Variants in LRMDA observed in about 807,000 individuals in gnomAD.
The protein encoded by LRMDA is leucine rich melanocyte differentiation associated, also known as leucine-rich melanocyte differentiation-associated protein.
In LRMDA, 18 loss-of-function variants were observed where a neutral mutation model predicts 29.8. The ratio of observed to expected loss-of-function variants is 0.60; its 90% CI spans 0.42 to 0.90. LRMDA has a LOEUF of 0.90. LRMDA is among the 40% of genes least tolerant of loss of function. The probability of loss-of-function intolerance (pLI) is 0.00; values close to 1 mark genes in which losing one functional copy is unlikely to be tolerated. For missense variants in LRMDA, 273 were observed against 273.9 expected, an observed-to-expected ratio of 1.00 and a Z score of 0.02; for synonymous variants, 125 against 109.4, an observed-to-expected ratio of 1.14 and a Z score of -0.89.
At chr10:76,249,170 A>T (rs969530054) in intron 5 of LRMDA, among the ~76,000 whole-genome samples, 1 of 152,154 alleles carries the variant, frequency 6.6e-6, no homozygotes, top group African/African-American at 2.4e-5. Context: ...ACTTAAAAAA[A>T]CTCAGATATT....
chr10:75,699,317 C>A (rs11001475), intron 2 of LRMDA, among the ~76,000 whole-genome samples: 15 of 151,928 alleles, frequency 9.9e-5, no homozygotes, highest in Non-Finnish European at 1.9e-4. Flanking sequence ...TGCCTTCTGA[C>A]GGAAAATCCT....
intron 2 of LRMDA, among the ~76,000 whole-genome samples, chr10:75,936,165 G>C (rs1846288710): frequency 6.6e-6 from 1 of 152,086 alleles, no homozygotes; most frequent in Non-Finnish European, 1.5e-5. Context: ...ACTCTAATAA[G>C]AGAGGCACAA....
chr10:76,093,575 C>T (rs1353844011), intron 5 of LRMDA, among the ~76,000 whole-genome samples: 1 of 152,056 alleles, frequency 6.6e-6, no homozygotes, highest in Non-Finnish European at 1.5e-5. Flanking sequence ...TCCTTTCCTT[C>T]TCCTCCTCCT....
chr10:75,756,921 G>A (rs1843039190), intron 2 of LRMDA, among the ~76,000 whole-genome samples: 1 of 152,182 alleles, frequency 6.6e-6, no homozygotes. Context: ...TAGGGACTGA[G>A]GCCAGAGGGA....
chr10:76,367,958 A>G (rs1369076358), intron 6 of LRMDA, among the ~76,000 whole-genome samples: 4 of 151,118 alleles, frequency 2.6e-5, no homozygotes, highest in Non-Finnish European at 5.9e-5. Context: ...CTCCTTTTTC[A>G]TTTCTTAGTG....
chr10:75,925,804 C>G (rs1314854372), intron 2 of LRMDA, among the ~76,000 whole-genome samples: 1 of 151,992 alleles, frequency 6.6e-6, no homozygotes, highest in Non-Finnish European at 1.5e-5. Context: ...GGGTGCCTGC[C>G]AGCATGCTTG....
chr10:76,074,200 TCAAA>T (rs1848920630), intron 5 of LRMDA, among the ~76,000 whole-genome samples: 1 of 152,190 alleles, frequency 6.6e-6, no homozygotes, highest in African/African-American at 2.4e-5. Flanking sequence ...GGAAAGCAAA[TCAAA>T]CTAAATATGA....
chr10:75,573,900 G>A (rs1288199807), intron 2 of LRMDA, among the ~76,000 whole-genome samples: 1 of 151,882 alleles, frequency 6.6e-6, no homozygotes, highest in African/African-American at 2.4e-5. Context: ...CCAGTTTTAT[G>A]CAATTTTTCA....
At chr10:75,436,982 C>G (rs529329827) in intron 1 of LRMDA, among the ~76,000 whole-genome samples, 1 of 152,178 alleles carries the variant, frequency 6.6e-6, no homozygotes, top group Non-Finnish European at 1.5e-5. Flanking sequence ...ATTTTTTAGC[C>G]TATATCTTCT....
intron 5 of LRMDA, among the ~76,000 whole-genome samples, chr10:76,300,842 G>T (rs1840471854): frequency 6.6e-6 from 1 of 152,160 alleles, no homozygotes; most frequent in Admixed American, 6.5e-5. Flanking sequence ...CCAGGCACTT[G>T]GTTTCCCCAA....
intron 5 of LRMDA, among the ~76,000 whole-genome samples, chr10:76,239,064 T>C (rs1852218955): frequency 6.6e-6 from 1 of 152,216 alleles, no homozygotes; most frequent in Admixed American, 6.5e-5. Flanking sequence ...CAAATTTTCC[T>C]GCCTCATGCC....
intron 6 of LRMDA, among the ~76,000 whole-genome samples, chr10:76,455,935 G>GT (rs1842452648): frequency 6.6e-6 from 1 of 152,168 alleles, no homozygotes; most frequent in African/African-American, 2.4e-5. Flanking sequence ...ACATCAACTT[G>GT]TATAGGCCCA....
chr10:76,334,301 TC>T (rs1356739876), intron 6 of LRMDA, among the ~76,000 whole-genome samples: 2 of 152,232 alleles, frequency 1.3e-5, no homozygotes, highest in Admixed American at 6.5e-5. Flanking sequence ...TATTTCCCTG[TC>T]TCTTGTAGAA....
chr10:75,991,649 G>A (rs371116216), intron 2 of LRMDA, among the ~76,000 whole-genome samples: 10 of 152,212 alleles, frequency 6.6e-5, no homozygotes, highest in Admixed American at 1.3e-4. Flanking sequence ...GGAAAGATGC[G>A]TGACTGATGA....
intron 2 of LRMDA, among the ~76,000 whole-genome samples, chr10:75,902,749 T>G (rs1845696714): frequency 6.6e-6 from 1 of 151,812 alleles, no homozygotes; most frequent in South Asian, 2.1e-4. Flanking sequence ...GTCCTCTGAG[T>G]GCTGTTCTTT....
At chr10:76,418,905 A>C (rs1842046012) in intron 6 of LRMDA, among the ~76,000 whole-genome samples, 1 of 152,034 alleles carries the variant, frequency 6.6e-6, no homozygotes, top group Admixed American at 6.6e-5. Flanking sequence ...AATTACATTG[A>C]TCATTTTTTA....
Position 76,342,402 on chromosome 10 carries a change from A to G in LRMDA, c.601+17917A>G, listed in dbSNP as rs541709261. Among the ~76,000 whole-genome samples the G allele has an allele frequency of 2.7e-4, 41 of 152,270 alleles. 1 individual carries two copies. The South Asian group carries it at 3.1e-3, about 12-fold the overall frequency. ...AGATAATTATTAGAGGAAAATAGAT[A>G]GCTTGAAGTACATATATTAACTTGA... On this transcript the variant is annotated intron_variant, in intron 6 of 6. Coordinates refer to ENST00000611255, the MANE Select transcript of LRMDA (RefSeq NM_001305581.2).
intron 6 of LRMDA, among the ~76,000 whole-genome samples, chr10:76,360,579 G>A (rs2132443505): frequency 6.6e-6 from 1 of 152,274 alleles, no homozygotes; most frequent in East Asian, 1.9e-4. Flanking sequence ...GTACTATATA[G>A]CTTCCTGAAA....
At chr10:76,322,101 A>G (rs1840778460) in intron 5 of LRMDA, among the ~76,000 whole-genome samples, 1 of 152,186 alleles carries the variant, frequency 6.6e-6, no homozygotes, top group South Asian at 2.1e-4. Flanking sequence ...ATTACTGCAT[A>G]CTCAATATAC....
Sources: allele counts gnomAD v4.1 joint callset (sites outside exome capture counted in the v4.1 genomes callset), GRCh38; gene constraint gnomAD v4.1.1; transcripts MANE v1.5; gene names NCBI Gene and HGNC (gene_info 2026-07-23, HGNC 2026-07-21).